The following SGSM1 variants were observed in gnomAD, a reference collection of about 807,000 sequenced individuals.
SGSM1 encodes small G protein signaling modulator 1, also known as RUN and TBC1 domain containing 2.
In SGSM1, 73 loss-of-function variants were observed where a neutral mutation model predicts 133.8. That is an observed-to-expected ratio of 0.55 (90% CI 0.45 to 0.66). The LOEUF (loss-of-function observed/expected upper bound fraction) is 0.66, where lower values mean the gene tolerates loss of function less well. SGSM1 is among the 30% of genes least tolerant of loss of function. The probability of loss-of-function intolerance (pLI) is 0.00; values close to 1 mark genes in which losing one functional copy is unlikely to be tolerated. For missense variants in SGSM1, 1,213 were observed against 1,448.1 expected, an observed-to-expected ratio of 0.84 and a Z score of 2.64; for synonymous variants, 563 against 573.0, an observed-to-expected ratio of 0.98 and a Z score of 0.25.
chr22:24,848,033 C>G (rs1160135336), intron 4 of SGSM1, among the ~76,000 whole-genome samples: 1 of 152,062 alleles, frequency 6.6e-6, no homozygotes, highest in East Asian at 1.9e-4. Flanking sequence ...ATCGTTATCT[C>G]AGAAAATTCC....
At chr22:24,917,603 T>C (rs1933864666) in intron 22 of SGSM1, 55 bp from the exon 23 acceptor site, 6 of 1,335,070 alleles carry the variant, frequency 4.5e-6, no homozygotes, top group South Asian at 1.2e-5. Flanking sequence ...TTCAGCTGTC[T>C]CCTCTGCTCC....
At chr22:24,913,377 GC>G (rs1385008082) in intron 22 of SGSM1, among the ~76,000 whole-genome samples, 1 of 152,044 alleles carries the variant, frequency 6.6e-6, no homozygotes, top group Non-Finnish European at 1.5e-5. Flanking sequence ...TCTGAGTTGG[GC>G]CCAGGAGTCT....
At chr22:24,891,412 G>A (rs550146582) in intron 16 of SGSM1, among the ~76,000 whole-genome samples, 28 of 152,298 alleles carry the variant, frequency 1.8e-4, no homozygotes, top group Admixed American at 1.6e-3. Context: ...AGTGTGGGAA[G>A]CATAGGAGCA....
At chr22:24,815,856 T>C (rs1223181079) in intron 2 of SGSM1, among the ~76,000 whole-genome samples, 1 of 152,182 alleles carries the variant, frequency 6.6e-6, no homozygotes, top group Admixed American at 6.5e-5. Flanking sequence ...CCAGATGCAA[T>C]GATCTGGTAA....
chr22:24,907,286 A>C (rs1359356937), intron 21 of SGSM1, among the ~76,000 whole-genome samples: 2 of 151,324 alleles, frequency 1.3e-5, no homozygotes, highest in African/African-American at 4.8e-5. Context: ...TAAATAAATA[A>C]ATAAATAAAT....
intron 9 of SGSM1, among the ~76,000 whole-genome samples, chr22:24,860,910 A>ATATATAT (rs1361547978): frequency 2.5e-4 from 24 of 97,144 alleles, no homozygotes; most frequent in African/African-American, 4.6e-4. Flanking sequence ...AAAAAAAAAA[A>ATATATAT]AAAAAAAAAA....
chr22:24,860,211 G>A (rs942353361), intron 9 of SGSM1, among the ~76,000 whole-genome samples: 1 of 152,184 alleles, frequency 6.6e-6, no homozygotes, highest in Non-Finnish European at 1.5e-5. Context: ...GTGTTAGCGA[G>A]CATCTGGTCC....
At chr22:24,909,513 T>C (rs1933540230) in intron 21 of SGSM1, among the ~76,000 whole-genome samples, 1 of 152,100 alleles carries the variant, frequency 6.6e-6, no homozygotes, top group Admixed American at 6.6e-5. Flanking sequence ...TGGAGTGCAA[T>C]GGCACCATCT....
intron 14 of SGSM1, among the ~76,000 whole-genome samples, chr22:24,879,755 G>C (rs1601948863): frequency 6.6e-6 from 1 of 152,106 alleles, no homozygotes; most frequent in Non-Finnish European, 1.5e-5. Context: ...GTGGACAGTG[G>C]GGTCCCCTGG....
intron 2 of SGSM1, among the ~76,000 whole-genome samples, chr22:24,830,427 G>A (rs528165154): frequency 1.1e-4 from 17 of 152,310 alleles, no homozygotes; most frequent in African/African-American, 3.8e-4. Context: ...ATCCACAGCT[G>A]TAAGTGGACA....
At chr22:24,871,148 G>A (rs74621511) in intron 12 of SGSM1, among the ~76,000 whole-genome samples, 161 of 152,272 alleles carry the variant, frequency 1.1e-3, no homozygotes, top group African/African-American at 3.7e-3. Flanking sequence ...GCCAAGTAGC[G>A]AACTTACTTT....
chr22:24,882,798 A>T (rs1370264004), intron 14 of SGSM1, among the ~76,000 whole-genome samples: 1 of 152,008 alleles, frequency 6.6e-6, no homozygotes, highest in Non-Finnish European at 1.5e-5. Flanking sequence ...TGCTTAACAT[A>T]ACCTCCAGCT....
chr22:24,918,990 C>T (rs1433428532), intron 23 of SGSM1, among the ~76,000 whole-genome samples: 1 of 151,484 alleles, frequency 6.6e-6, no homozygotes, highest in Non-Finnish European at 1.5e-5. Flanking sequence ...ATCCACCCAC[C>T]TCAGCCTCCC....
chr22:24,846,820 G>A (rs555620150), intron 3 of SGSM1, among the ~76,000 whole-genome samples: 1 of 151,408 alleles, frequency 6.6e-6, no homozygotes, highest in Non-Finnish European at 1.5e-5. Context: ...GGCAATATTT[G>A]TTTTTTTGTT....
Position 24,895,424 on chromosome 22 carries a change from C to T in SGSM1, c.2022+133C>T. 7 of 943,678 alleles carry T rather than the reference C, an allele frequency of 7.4e-6. No individual in the cohort carries two copies. In the South Asian group the frequency reaches 1.1e-4, roughly 14 times the overall value. 58.5% of individuals were successfully genotyped at this position (943,678 alleles called of 1,614,324 possible). ...TTTAGCTTTTTATATTAGCATTAAA[C>T]ATTGTTTTTTGTTTTTTGTTTAGTA... On this transcript the variant is annotated intron_variant, in intron 18 of 24. Coordinates refer to ENST00000400358, the MANE Select transcript of SGSM1 (RefSeq NM_001098497.3).
chr22:24,905,737 C>T (rs957010541), intron 21 of SGSM1, among the ~76,000 whole-genome samples: 4 of 147,304 alleles, frequency 2.7e-5, no homozygotes, highest in African/African-American at 7.6e-5. Flanking sequence ...TGCAGTGAAC[C>T]GAGATCACAC....
chr22:24,836,219 C>T (rs1929419185), intron 2 of SGSM1, among the ~76,000 whole-genome samples: 2 of 152,156 alleles, frequency 1.3e-5, no homozygotes, highest in Non-Finnish European at 2.9e-5. Flanking sequence ...TATTTTGCGT[C>T]TAGATTATTT....
intron 12 of SGSM1, among the ~76,000 whole-genome samples, chr22:24,873,946 G>A (rs1378620983): frequency 1.3e-5 from 2 of 152,148 alleles, no homozygotes; most frequent in Non-Finnish European, 2.9e-5. Context: ...AACTCTCCAT[G>A]CCTCAGTTTT....
intron 2 of SGSM1, among the ~76,000 whole-genome samples, chr22:24,818,238 A>T (rs974429088): frequency 5.4e-5 from 8 of 148,010 alleles, no homozygotes; most frequent in East Asian, 4.0e-4. Flanking sequence ...TCTCAAAAAA[A>T]AAAAAAATAA....
Sources: gnomAD v4.1 joint callset for allele counts (sites outside exome capture counted in the v4.1 genomes callset) on GRCh38, gnomAD v4.1.1 for gene constraint, MANE v1.5 for transcripts, NCBI Gene and HGNC (gene_info 2026-07-23, HGNC 2026-07-21) for gene names.